The following KIF16B variants were observed in gnomAD, a reference collection of about 807,000 sequenced individuals.
KIF16B encodes the protein kinesin-like protein KIF16B.
In KIF16B, 98 loss-of-function variants were observed where a neutral mutation model predicts 156.3. The ratio of observed to expected loss-of-function variants is 0.63; its 90% CI spans 0.53 to 0.74. KIF16B has a LOEUF of 0.74. KIF16B is among the 30% of genes least tolerant of loss of function. The pLI, the probability that KIF16B is intolerant of heterozygous loss-of-function variation, is 0.00. For synonymous variants in KIF16B, 564 were observed against 583.7 expected (o/e 0.97, Z 0.49); for missense variants, 1,421 against 1,606.5 (o/e 0.88, Z 1.97).
At chr20:16,543,053 GC>G (rs2070265125) in intron 1 of KIF16B, among the ~76,000 whole-genome samples, 1 of 152,168 alleles carries the variant, frequency 6.6e-6, no homozygotes, top group African/African-American at 2.4e-5. Flanking sequence ...TCTCTGAGGA[GC>G]CCAAACCCGG....
chr20:16,437,297 C>A (rs114134913), intron 12 of KIF16B, among the ~76,000 whole-genome samples: 57 of 152,286 alleles, frequency 3.7e-4, no homozygotes, highest in African/African-American at 1.3e-3. Flanking sequence ...ATATGGAGGA[C>A]CAACTGCATA....
At chr20:16,369,056 C>T (rs911277698) in intron 22 of KIF16B, 11 of 985,812 alleles carry the variant, frequency 1.1e-5, no homozygotes, top group African/African-American at 1.7e-5. Context: ...TGGAATACCT[C>T]GGGTACTGAG....
chr20:16,505,778 A>T lies in KIF16B; in HGVS notation c.944T>A (p.Leu315Ter), dbSNP rs923339413. 2 of 1,613,790 alleles carry T rather than the reference A, an allele frequency of 1.2e-6. No individual in the cohort carries two copies. Among genetic ancestry groups the T allele is most frequent in the African/African-American group, 2.7e-5 (2 of 74,940 alleles). The change falls in exon 9 of 26, where the codon TTG (leucine) becomes TAG (stop). Residue 315 changes from leucine to a stop codon, truncating the protein, a stop_gained. Coordinates refer to ENST00000354981, the MANE Select transcript of KIF16B (RefSeq NM_024704.5). LOFTEE classifies it high-confidence loss of function. The stretch of plus-strand genomic sequence containing the variant: ...AAGGCTATCTTTTAACAACCAAGTC[A>T]ACACAGAATCCCTGTAAGGCACGAA... Reference protein sequence around the residue: ...QVFVPYRDSVLTWLLKDSLGG... With the variant: ...QVFVPYRDSV
At chr20:16,441,466 G>A (rs1012506689) in intron 12 of KIF16B, among the ~76,000 whole-genome samples, 6 of 152,048 alleles carry the variant, frequency 3.9e-5, no homozygotes, top group Non-Finnish European at 5.9e-5. Flanking sequence ...ATGGATCTCC[G>A]TCAAACACAG....
intron 22 of KIF16B, among the ~76,000 whole-genome samples, chr20:16,363,256 G>T (rs1725617954): frequency 1.3e-5 from 2 of 152,162 alleles, no homozygotes; most frequent in African/African-American, 4.8e-5. Flanking sequence ...AAAGAATAGT[G>T]TAACAGTAAG....
chr20:16,504,327 C>G, intron 10 of KIF16B, 45 bp downstream of exon 10: 1 of 1,576,534 alleles, frequency 6.3e-7, no homozygotes, highest in Non-Finnish European at 8.7e-7. Flanking sequence ...GAAATAGATG[C>G]CATTACTCAA....
chr20:16,478,232 A>G (rs2067873527), intron 12 of KIF16B, among the ~76,000 whole-genome samples: 1 of 152,210 alleles, frequency 6.6e-6, no homozygotes, highest in Non-Finnish European at 1.5e-5. Context: ...CCATACCTTC[A>G]GGAAATTCAA....
chr20:16,503,050 C>A (rs2068671497), intron 10 of KIF16B, among the ~76,000 whole-genome samples: 1 of 152,036 alleles, frequency 6.6e-6, no homozygotes, highest in Non-Finnish European at 1.5e-5. Context: ...CCCGTCTCTA[C>A]CAAAAATACA....
rs780167290 is a variant in KIF16B, at chr20:16,504,368, C to G, written c.1176+4G>C. On this transcript the variant is annotated splice_donor_region_variant and intron_variant, in intron 10 of 25. Transcript: ENST00000354981. ...ATTATCCATAAATCTCAGAAAAACC[C>G]AACCTGATTCCCTTGAGCAAGCAGC... The G allele has an allele frequency of 6.2e-7, 1 of 1,612,850 alleles. No homozygotes were observed. The highest frequency in any genetic ancestry group is 8.5e-7 in the Non-Finnish European group (1 of 1,179,338).
rs147683391 is a variant in KIF16B at position 16,378,991 on chromosome 20, G to A, written c.3011C>T (p.Ala1004Val). ...CAGCCTGGCCAGGGCCCGCTCCAGC[G>A]CCTCTCTCTGCTGCTTCTCTCTGGA... ...LESREKQQRE[A>V]LERALARLER... Residue 1004 changes from alanine (A) to valine (V), a missense_variant, in exon 19 of 26, where the codon GCG (alanine) becomes GTG (valine). Coordinates refer to ENST00000354981, the MANE Select transcript of KIF16B (RefSeq NM_024704.5). The A allele has an allele frequency of 3.1e-5, 50 of 1,613,828 alleles. No individual in the cohort carries two copies. The highest frequency in any genetic ancestry group is 4.0e-5 in the Non-Finnish European group (47 of 1,179,914).
chr20:16,544,263 C>T (rs138600978), intron 1 of KIF16B, among the ~76,000 whole-genome samples: 1 of 152,182 alleles, frequency 6.6e-6, no homozygotes, highest in African/African-American at 2.4e-5. Flanking sequence ...GCTGGTCCTT[C>T]TGCCTGGAAT....
chr20:16,312,307 C>G (rs770650826), intron 25 of KIF16B, 28 bp downstream of exon 25: 28 of 1,526,146 alleles, frequency 1.8e-5, no homozygotes, highest in Non-Finnish European at 2.5e-5. Flanking sequence ...TCTACATACA[C>G]AGAGGAAAAA....
intron 12 of KIF16B, among the ~76,000 whole-genome samples, chr20:16,452,895 GA>G (rs200044246): frequency 7.5e-5 from 11 of 147,620 alleles, no homozygotes; most frequent in African/African-American, 2.5e-4. Context: ...GAAAAACGAA[GA>G]AAAAAAAATA....
At chr20:16,384,467 G>A (rs999174401) in intron 17 of KIF16B, among the ~76,000 whole-genome samples, 2 of 152,218 alleles carry the variant, frequency 1.3e-5, no homozygotes, top group Non-Finnish European at 2.9e-5. Flanking sequence ...GCTTGCTATA[G>A]GAGAGGTGGC....
chr20:16,277,061 T>C (rs2063072857), intron 25 of KIF16B, among the ~76,000 whole-genome samples: 1 of 152,202 alleles, frequency 6.6e-6, no homozygotes, highest in Non-Finnish European at 1.5e-5. Context: ...TATTCTGATT[T>C]CTAGCACCAG....
intron 24 of KIF16B, among the ~76,000 whole-genome samples, chr20:16,320,814 T>C (rs1445334189): frequency 1.3e-5 from 2 of 152,212 alleles, no homozygotes; most frequent in African/African-American, 4.8e-5. Context: ...TTATCTCTGT[T>C]AGAAGAGTCA....
At chr20:16,496,307 C>A (rs954422782) in intron 11 of KIF16B, among the ~76,000 whole-genome samples, 3 of 152,210 alleles carry the variant, frequency 2.0e-5, no homozygotes, top group Admixed American at 6.5e-5. Context: ...ATTTCACCAA[C>A]AGATAGTTTC....
At chr20:16,447,314 T>A (rs2066960902) in intron 12 of KIF16B, among the ~76,000 whole-genome samples, 1 of 151,618 alleles carries the variant, frequency 6.6e-6, no homozygotes, top group Admixed American at 6.6e-5. Flanking sequence ...AAAAAAAAAG[T>A]TCCTTTTTTT....
chr20:16,482,705 C>T (rs1395058963), intron 12 of KIF16B, among the ~76,000 whole-genome samples: 2 of 152,170 alleles, frequency 1.3e-5, no homozygotes, highest in Non-Finnish European at 2.9e-5. Flanking sequence ...TACAGGATTC[C>T]TGAGTCATAA....
Sources: allele counts gnomAD v4.1 joint callset (sites outside exome capture counted in the v4.1 genomes callset), GRCh38; gene constraint gnomAD v4.1.1; transcripts MANE v1.5; gene names NCBI Gene and HGNC (gene_info 2026-07-23, HGNC 2026-07-21).